Variants in NAALADL2 observed in about 807,000 individuals in gnomAD.
The protein encoded by NAALADL2 is inactive N-acetylated-alpha-linked acidic dipeptidase-like protein 2.
Under a neutral mutation model 87.2 loss-of-function variants are expected in NAALADL2, and 76 were observed. That is an observed-to-expected ratio of 0.87 (90% CI 0.72 to 1.05). The LOEUF is 1.05. NAALADL2 is among the 50% of genes least tolerant of loss of function. NAALADL2 has a pLI of 0.00. For missense variants in NAALADL2, 1,089 were observed against 945.8 expected (o/e 1.15, Z -1.99); for synonymous variants, 354 against 331.0 (o/e 1.07, Z -0.75).
At chr3:174,732,428 A>G (rs1314599479) in intron 2 of NAALADL2, among the ~76,000 whole-genome samples, 1 of 152,184 alleles carries the variant, frequency 6.6e-6, no homozygotes, top group Non-Finnish European at 1.5e-5. Flanking sequence ...TGGCGAGGAT[A>G]TCCATTATAT....
intron 3 of NAALADL2, among the ~76,000 whole-genome samples, chr3:174,800,593 C>G (rs566347195): frequency 2.6e-5 from 4 of 152,300 alleles, no homozygotes; most frequent in South Asian, 2.1e-4. Context: ...GCCCCTCCCC[C>G]CCAACAGAGT....
rs71164643 is a variant in NAALADL2 at position 175,602,458 on chromosome 3, C to CTATATA, written c.1801-24828_1801-24823dup. Among the ~76,000 whole-genome samples the CTATATA allele has an allele frequency of 1.3e-3, 198 of 149,180 alleles. 5 individuals carry two copies. Among genetic ancestry groups the CTATATA allele is most frequent in the Admixed American group, 3.7e-3 (55 of 15,044 alleles). On this transcript the variant is annotated intron_variant, in intron 10 of 13. Transcript: ENST00000454872. ...TATGTATTTATTTGTATGTGTGTAT[C>CTATATA]TATATATATAGAGAGAGAGAGAGCG...
At chr3:174,925,375 G>A (rs1164227849) in intron 1 of NAALADL2, among the ~76,000 whole-genome samples, 3 of 152,220 alleles carry the variant, frequency 2.0e-5, no homozygotes, top group Middle Eastern at 3.4e-3. Context: ...AAGATCAGAT[G>A]GTTGTAGATG....
intron 9 of NAALADL2, among the ~76,000 whole-genome samples, chr3:175,554,172 T>A (rs1328734094): frequency 6.6e-6 from 1 of 151,894 alleles, no homozygotes; most frequent in Non-Finnish European, 1.5e-5. Flanking sequence ...AAGTGGAGGA[T>A]GTTAGAGGGT....
At chr3:175,527,405 G>A (rs1342681876) in intron 9 of NAALADL2, among the ~76,000 whole-genome samples, 3 of 152,064 alleles carry the variant, frequency 2.0e-5, no homozygotes, top group Non-Finnish European at 2.9e-5. Context: ...ATTTTCTTAC[G>A]ATAAAATACT....
intron 8 of NAALADL2, among the ~76,000 whole-genome samples, chr3:175,467,754 G>A (rs12487271): frequency 0.072 from 10,882 of 151,964 alleles, 958 homozygotes; most frequent in African/African-American, 0.2. Flanking sequence ...CCACCTTAGG[G>A]AACCTGTATC....
chr3:175,441,406 G>T (rs900677501), intron 5 of NAALADL2, among the ~76,000 whole-genome samples: 1 of 152,090 alleles, frequency 6.6e-6, no homozygotes, highest in African/African-American at 2.4e-5. Flanking sequence ...GCAGAATTTG[G>T]TATCCACAAG....
chr3:175,022,523 A>G (rs1751691356), intron 1 of NAALADL2, among the ~76,000 whole-genome samples: 1 of 152,034 alleles, frequency 6.6e-6, no homozygotes, highest in South Asian at 2.1e-4. Context: ...TAATATTTAG[A>G]CAGTTAGAGA....
intron 5 of NAALADL2, among the ~76,000 whole-genome samples, chr3:175,406,416 T>G (rs754947299): frequency 7.9e-5 from 12 of 152,194 alleles, no homozygotes; most frequent in Non-Finnish European, 1.8e-4. Context: ...TGGGGGAAAC[T>G]GATAATGTGA....
Position 175,147,379 on chromosome 3 carries a change from T to C in NAALADL2, c.545+50088T>C, listed in dbSNP as rs904593730. ...TCCTGGATTAATTCACTTATGATAATGGCCTCCAGCTGCATCCAGGTTGCT... is the reference window on the plus strand; with the variant it reads ...TCCTGGATTAATTCACTTATGATAACGGCCTCCAGCTGCATCCAGGTTGCT... On this transcript the variant is annotated intron_variant, in intron 2 of 13. Transcript: ENST00000454872. Among the ~76,000 whole-genome samples, 10 of 152,162 alleles carry C rather than the reference T, an allele frequency of 6.6e-5. No individual in the cohort carries two copies. The South Asian group carries it at 8.3e-4, about 13-fold the overall frequency.
At chr3:175,598,344 C>T (rs1722513410) in intron 10 of NAALADL2, among the ~76,000 whole-genome samples, 1 of 145,694 alleles carries the variant, frequency 6.9e-6, no homozygotes, top group Admixed American at 6.8e-5. Context: ...AAAAAATAGC[C>T]CTAAGATTTT....
intron 1 of NAALADL2, among the ~76,000 whole-genome samples, chr3:174,882,195 G>T (rs1363914228): frequency 6.6e-6 from 1 of 151,854 alleles, no homozygotes; most frequent in African/African-American, 2.4e-5. Context: ...CAACCCACTT[G>T]TTCTCTTTGT....
chr3:175,160,317 A>G (rs1288870321), intron 2 of NAALADL2, among the ~76,000 whole-genome samples: 1 of 149,698 alleles, frequency 6.7e-6, no homozygotes, highest in East Asian at 2.0e-4. Flanking sequence ...AAGGCTTATA[A>G]GTAAAATTTT....
At chr3:174,708,061 A>T (rs996696469) in intron 2 of NAALADL2, among the ~76,000 whole-genome samples, 17 of 152,196 alleles carry the variant, frequency 1.1e-4, no homozygotes, top group African/African-American at 4.1e-4. Flanking sequence ...AATAATTTTA[A>T]ATTATCCATA....
chr3:175,307,405 C>G (rs1215455507), intron 4 of NAALADL2, among the ~76,000 whole-genome samples: 1 of 151,950 alleles, frequency 6.6e-6, no homozygotes, highest in Non-Finnish European at 1.5e-5. Context: ...ATGGGGCAGT[C>G]CTAGTAAGTA....
At chr3:175,062,524 G>GTGTGTGTT in intron 1 of NAALADL2, among the ~76,000 whole-genome samples, 1 of 138,998 alleles carries the variant, frequency 7.2e-6, no homozygotes, top group Non-Finnish European at 1.6e-5. Flanking sequence ...GTGTGTGTGT[G>GTGTGTGTT]TTTCCAACTG....
intron 3 of NAALADL2, among the ~76,000 whole-genome samples, chr3:175,244,573 G>A (rs1372482599): frequency 5.3e-5 from 8 of 151,842 alleles, no homozygotes; most frequent in South Asian, 2.1e-4. Flanking sequence ...AATTTTATCC[G>A]TATCCAATCC....
At chr3:174,654,064 G>GTGTA (rs1220021170) in intron 2 of NAALADL2, among the ~76,000 whole-genome samples, 1 of 82,652 alleles carries the variant, frequency 1.2e-5, no homozygotes, top group Non-Finnish European at 2.3e-5. Flanking sequence ...ATGGCTTTGT[G>GTGTA]TGTGTGTGTG....
At chr3:174,621,717 G>A (rs905466626) in intron 2 of NAALADL2, among the ~76,000 whole-genome samples, 5 of 152,116 alleles carry the variant, frequency 3.3e-5, no homozygotes, top group South Asian at 4.1e-4. Context: ...AGAAAAGAAC[G>A]TTGCAGGAGG....
Sources: allele counts gnomAD v4.1 joint callset (sites outside exome capture counted in the v4.1 genomes callset), GRCh38; gene constraint gnomAD v4.1.1; transcripts MANE v1.5; gene names NCBI Gene and HGNC (gene_info 2026-07-23, HGNC 2026-07-21).